The following UBE2G1 variants were observed in gnomAD, a reference collection of about 807,000 sequenced individuals.
UBE2G1 encodes the protein ubiquitin conjugating enzyme E2 G1.
A neutral mutation model predicts 22.7 loss-of-function variants in UBE2G1; 5 were observed. The ratio of observed to expected loss-of-function variants is 0.22; its 90% confidence interval spans 0.12 to 0.46. The LOEUF (loss-of-function observed/expected upper bound fraction) is 0.46, where lower values mean the gene tolerates loss of function less well. Among genes scored for constraint, UBE2G1 ranks in the 20% least tolerant of loss-of-function variants. UBE2G1 has a pLI of 0.99. For missense variants in UBE2G1, 88 were observed against 203.9 expected (o/e 0.43, Z 3.46); for synonymous variants, 74 against 67.5 (o/e 1.10, Z -0.47).
chr17:4,275,589 TA>T (rs1472633874), intron 5 of UBE2G1, among the ~76,000 whole-genome samples: 4 of 152,004 alleles, frequency 2.6e-5, no homozygotes, highest in African/African-American at 9.7e-5. Context: ...CTACAAAACC[TA>T]ATCTTTTAAA....
intron 1 of UBE2G1, among the ~76,000 whole-genome samples, chr17:4,311,164 T>C (rs570718922): frequency 6.6e-6 from 1 of 152,058 alleles, no homozygotes; most frequent in African/African-American, 2.4e-5. Flanking sequence ...GAGGCGGAGG[T>C]TGCAGTGACC....
At chr17:4,280,778 C>T (rs961289539) in intron 5 of UBE2G1, among the ~76,000 whole-genome samples, 8 of 151,878 alleles carry the variant, frequency 5.3e-5, no homozygotes, top group Non-Finnish European at 1.2e-4. Flanking sequence ...GGACAACAGG[C>T]GCACGCCACT....
At chr17:4,301,402 T>C in intron 2 of UBE2G1, 1 of 617,354 alleles carries the variant, frequency 1.6e-6, no homozygotes, top group Non-Finnish European at 3.1e-6. Context: ...TGGCCTCCAG[T>C]CACCTGGCTA....
intron 5 of UBE2G1, among the ~76,000 whole-genome samples, chr17:4,275,776 C>A (rs1043653382): frequency 6.6e-6 from 1 of 152,134 alleles, no homozygotes; most frequent in Non-Finnish European, 1.5e-5. Context: ...TTCCCCATTA[C>A]CCTTCACAAA....
At chr17:4,286,179 T>G (rs929595969) in intron 4 of UBE2G1, among the ~76,000 whole-genome samples, 11 of 151,802 alleles carry the variant, frequency 7.2e-5, no homozygotes, top group East Asian at 3.9e-4. Flanking sequence ...CCGAGGTGAG[T>G]GGATCACCTG....
chr17:4,344,245 C>T (rs1480812326), intron 1 of UBE2G1, among the ~76,000 whole-genome samples: 3 of 152,104 alleles, frequency 2.0e-5, no homozygotes, highest in Non-Finnish European at 4.4e-5. Flanking sequence ...AAAGAATCTA[C>T]AATCAAGAAG....
At chr17:4,352,333 G>A (rs1200452178) in intron 1 of UBE2G1, among the ~76,000 whole-genome samples, 1 of 152,052 alleles carries the variant, frequency 6.6e-6, no homozygotes, top group Non-Finnish European at 1.5e-5. Flanking sequence ...GGGCTCAAGC[G>A]ATCCTCCTGT....
intron 1 of UBE2G1, among the ~76,000 whole-genome samples, chr17:4,355,268 T>G (rs1017299609): frequency 2.0e-5 from 3 of 150,098 alleles, no homozygotes; most frequent in African/African-American, 7.3e-5. Flanking sequence ...CTCCCAAAGT[T>G]CTGGGATTAC....
chr17:4,359,932 A>T (rs1969949061), intron 1 of UBE2G1, among the ~76,000 whole-genome samples: 2 of 152,114 alleles, frequency 1.3e-5, no homozygotes, highest in Non-Finnish European at 2.9e-5. Context: ...AGGGGGAAAA[A>T]GTTTAGAATG....
intron 2 of UBE2G1, chr17:4,301,766 G>C (rs1969182854): frequency 1.6e-6 from 1 of 613,790 alleles, no homozygotes; most frequent in South Asian, 1.5e-5. Context: ...CAGGACATAT[G>C]CTGTCAGCTG....
At chr17:4,350,671 A>G (rs990370889) in intron 1 of UBE2G1, among the ~76,000 whole-genome samples, 1 of 152,166 alleles carries the variant, frequency 6.6e-6, no homozygotes, top group African/African-American at 2.4e-5. Context: ...TGATGCAGCT[A>G]TATCATTTTC....
chr17:4,341,630 G>C (rs1969713525), intron 1 of UBE2G1, among the ~76,000 whole-genome samples: 1 of 152,112 alleles, frequency 6.6e-6, no homozygotes, highest in Non-Finnish European at 1.5e-5. Context: ...AAGCCCTCCA[G>C]TTACTGCACC....
chr17:4,324,804 G>A (rs751160800), intron 1 of UBE2G1, among the ~76,000 whole-genome samples: 4 of 152,242 alleles, frequency 2.6e-5, no homozygotes, highest in South Asian at 2.1e-4. Flanking sequence ...AAGGCCGGGC[G>A]CGGTGGCTCA....
At chr17:4,325,033 C>A (rs1446787157) in intron 1 of UBE2G1, among the ~76,000 whole-genome samples, 1 of 151,732 alleles carries the variant, frequency 6.6e-6, no homozygotes, top group Non-Finnish European at 1.5e-5. Flanking sequence ...GCCAAGATCG[C>A]GCCACTGCAC....
intron 4 of UBE2G1, 36 bp downstream of exon 4, chr17:4,289,194 A>C: frequency 6.8e-7 from 1 of 1,475,768 alleles, no homozygotes; most frequent in Middle Eastern, 1.8e-4. Context: ...ATTACAAGGG[A>C]AAGTGAAGGG....
chr17:4,321,573 A>T (rs1240567888), intron 1 of UBE2G1, among the ~76,000 whole-genome samples: 1 of 151,788 alleles, frequency 6.6e-6, no homozygotes, highest in Non-Finnish European at 1.5e-5. Flanking sequence ...GCTCACTGCA[A>T]CCTCCGCCTC....
At chr17:4,357,905 G>A (rs1969925550) in intron 1 of UBE2G1, among the ~76,000 whole-genome samples, 1 of 151,822 alleles carries the variant, frequency 6.6e-6, no homozygotes, top group Admixed American at 6.6e-5. Flanking sequence ...TTCAAAACCA[G>A]CCTGGGCAAC....
intron 1 of UBE2G1, among the ~76,000 whole-genome samples, chr17:4,364,654 C>A (rs1223772936): frequency 6.7e-6 from 1 of 148,966 alleles, no homozygotes. Flanking sequence ...GATCTCAGCT[C>A]ACTGCAACGA....
At chr17:4,351,663 A>G (rs1235008685) in intron 1 of UBE2G1, among the ~76,000 whole-genome samples, 1 of 152,216 alleles carries the variant, frequency 6.6e-6, no homozygotes, top group Non-Finnish European at 1.5e-5. Flanking sequence ...AATGAACAGA[A>G]AAAAGAAATT....
Sources: allele counts gnomAD v4.1 joint callset (sites outside exome capture counted in the v4.1 genomes callset), GRCh38; gene constraint gnomAD v4.1.1; transcripts MANE v1.5; gene names NCBI Gene and HGNC (gene_info 2026-07-23, HGNC 2026-07-21).